Variants in DOCK1 observed in about 807,000 individuals in gnomAD.
DOCK1 encodes the protein dedicator of cytokinesis 1.
In DOCK1, 138 loss-of-function variants were observed where a neutral mutation model predicts 262.7. The ratio of observed to expected loss-of-function variants is 0.53; its 90% CI spans 0.46 to 0.61. DOCK1 has a LOEUF of 0.61. DOCK1 is among the 20% of genes least tolerant of loss of function. DOCK1 has a pLI of 0.00. For missense variants in DOCK1, 1,908 were observed against 2,370.7 expected (o/e 0.80, Z 4.05); for synonymous variants, 866 against 867.4 (o/e 1.00, Z 0.03).
At position 127,355,012 on chromosome 10, in the gene DOCK1, C is replaced by G. The variant is rs572712246; in HGVS notation, c.3283+285C>G. ...AGCTCCTCCCTCCCTGGTGTTGCCT[C>G]CCTCCCTCAGTTGCCTCAGTTCCTT... On this transcript the variant is annotated intron_variant, in intron 32 of 51. Coordinates refer to ENST00000623213, the MANE Select transcript of DOCK1 (RefSeq NM_001290223.2). Among the ~76,000 whole-genome samples, 247 of 152,306 alleles carry G rather than the reference C, an allele frequency of 1.6e-3. 1 individual carries two copies. Among genetic ancestry groups the G allele is most frequent in the African/African-American group, 5.6e-3 (231 of 41,560 alleles).
chr10:127,361,820 T>C (rs894345200), intron 32 of DOCK1, among the ~76,000 whole-genome samples: 1 of 152,212 alleles, frequency 6.6e-6, no homozygotes, highest in South Asian at 2.1e-4. Context: ...AAGTCATGAT[T>C]ACAGGCTTAT....
At chr10:127,084,163 A>G (rs1351336429) in intron 23 of DOCK1, among the ~76,000 whole-genome samples, 1 of 152,092 alleles carries the variant, frequency 6.6e-6, no homozygotes, top group Non-Finnish European at 1.5e-5. Flanking sequence ...TAATTAGTTA[A>G]TTCTTGGTTG....
rs761666557 is a variant in DOCK1 at position 127,037,836 on chromosome 10, G to A, written c.2010+20G>A. 2.0e-6 allele frequency: 3 copies of A among 1,496,074 alleles called. No individual in the cohort carries two copies. In the Admixed American group the frequency reaches 7.9e-5, roughly 39 times the overall value. 92.7% of individuals were successfully genotyped at this position (1,496,074 alleles called of 1,614,324 possible). ...GTGAAGGTAACATGGAGCCCAAAGG[G>A]ACTTTTTGGGTCTTTTTTTTTTTTT... On this transcript the variant is annotated intron_variant, in intron 19 of 51. Coordinates refer to ENST00000623213, the MANE Select transcript of DOCK1 (RefSeq NM_001290223.2).
intron 29 of DOCK1, among the ~76,000 whole-genome samples, chr10:127,309,338 G>A (rs982155521): frequency 2.0e-5 from 3 of 152,082 alleles, no homozygotes; most frequent in African/African-American, 7.2e-5. Context: ...CTGGATATCA[G>A]ACCTTTGTCA....
intron 11 of DOCK1, among the ~76,000 whole-genome samples, chr10:127,011,046 G>T (rs2041397652): frequency 6.6e-6 from 1 of 152,218 alleles, no homozygotes; most frequent in East Asian, 1.9e-4. Flanking sequence ...AGTTGTTTGA[G>T]ATTGCCTGTG....
chr10:127,419,540 TG>T (rs1311177569), intron 45 of DOCK1, 125 bp from the exon 46 acceptor site: 5 of 850,918 alleles, frequency 5.9e-6, no homozygotes, highest in Non-Finnish European at 5.6e-6. Context: ...ACCCTGAGTC[TG>T]CAGTGAGCTT....
chr10:127,229,868 C>T (rs1344039489), intron 27 of DOCK1, among the ~76,000 whole-genome samples: 3 of 152,124 alleles, frequency 2.0e-5, no homozygotes, highest in Admixed American at 6.5e-5. Context: ...CAGGGGCTCC[C>T]GTTTCTCCAC....
At position 126,983,039 on chromosome 10, in the gene DOCK1, A is replaced by G. The variant is rs1341773209; in HGVS notation, c.227+1066A>G. Reference sequence around the variant, plus strand: ...GAACAACAGGTTATTCTGAGTCTCAATAAGTAGAGTCACACCTAACCAGAC... The same window carrying G: ...GAACAACAGGTTATTCTGAGTCTCAGTAAGTAGAGTCACACCTAACCAGAC... On this transcript the variant is annotated intron_variant, in intron 4 of 51. Coordinates refer to ENST00000623213, the MANE Select transcript of DOCK1 (RefSeq NM_001290223.2). Among the ~76,000 whole-genome samples, 3 of 152,236 alleles carry G rather than the reference A, an allele frequency of 2.0e-5. No homozygotes were observed. In the East Asian group the frequency reaches 5.8e-4, roughly 29 times the overall value.
chr10:127,185,262 C>G (rs1212282654), intron 27 of DOCK1, among the ~76,000 whole-genome samples: 1 of 152,190 alleles, frequency 6.6e-6, no homozygotes, highest in African/African-American at 2.4e-5. Context: ...GGCACGGTGG[C>G]TCATGCCTGT....
intron 25 of DOCK1, among the ~76,000 whole-genome samples, chr10:127,116,472 A>G (rs1207819437): frequency 6.6e-6 from 1 of 152,136 alleles, no homozygotes; most frequent in Non-Finnish European, 1.5e-5. Flanking sequence ...GCTATTAGGA[A>G]ATATTGAAGT....
intron 4 of DOCK1, among the ~76,000 whole-genome samples, chr10:126,987,182 A>T (rs545857758): frequency 2.0e-5 from 3 of 152,308 alleles, no homozygotes; most frequent in Admixed American, 6.5e-5. Flanking sequence ...TTTAAGATAG[A>T]TGGGTACACA....
chr10:127,105,839 A>G (rs1487499148), intron 23 of DOCK1, among the ~76,000 whole-genome samples: 1 of 152,134 alleles, frequency 6.6e-6, no homozygotes, highest in Non-Finnish European at 1.5e-5. Flanking sequence ...GGCTCACTGC[A>G]ACCTCTACTT....
intron 1 of DOCK1, among the ~76,000 whole-genome samples, chr10:126,948,895 G>A (rs1440787943): frequency 6.6e-6 from 1 of 152,120 alleles, no homozygotes; most frequent in African/African-American, 2.4e-5. Context: ...GTAGTACTGG[G>A]GTTGCGTGAG....
chr10:127,263,699 C>A (rs1279303672), intron 29 of DOCK1, among the ~76,000 whole-genome samples: 1 of 149,946 alleles, frequency 6.7e-6, no homozygotes, highest in Non-Finnish European at 1.5e-5. Flanking sequence ...GGTATCCATC[C>A]TGGAACTCTT....
intron 43 of DOCK1, among the ~76,000 whole-genome samples, chr10:127,411,350 C>T (rs2067834978): frequency 6.6e-6 from 1 of 152,068 alleles, no homozygotes; most frequent in Non-Finnish European, 1.5e-5. Context: ...GTGCTCATTC[C>T]TCATTCAGTA....
intron 10 of DOCK1, chr10:127,000,812 CT>C: frequency 1.3e-5 from 2 of 158,408 alleles, no homozygotes; most frequent in Non-Finnish European, 2.8e-5. Context: ...CATGTTGGTG[CT>C]TTTCCTCTGC....
chr10:126,906,339 GCCCGTCCGCGTGGGA>G (rs2030816674), intron 1 of DOCK1, among the ~76,000 whole-genome samples: 1 of 152,164 alleles, frequency 6.6e-6, no homozygotes, highest in Non-Finnish European at 1.5e-5. Context: ...GAATAGACGG[GCCCGTCCGCGTGGGA>G]CCCGCATCCT....
rs573711805 is a variant in DOCK1 at position 127,144,970 on chromosome 10, C to T, written c.2847+17206C>T. Among the ~76,000 whole-genome samples the T allele has an allele frequency of 8.5e-4, 129 of 152,116 alleles. 1 individual carries two copies. The highest frequency in any genetic ancestry group is 1.0e-3 in the Non-Finnish European group (69 of 68,008). On this transcript the variant is annotated intron_variant, in intron 27 of 51. Coordinates refer to ENST00000623213, the MANE Select transcript of DOCK1 (RefSeq NM_001290223.2). ...ATAGTTTTTTTAAAAAAGCATTAGC[C>T]AGATATCCTAGCTGTATATTTTACT... is the stretch of plus-strand genomic sequence containing the variant.
intron 37 of DOCK1, among the ~76,000 whole-genome samples, chr10:127,383,851 A>G (rs777684531): frequency 1.3e-5 from 2 of 152,198 alleles, no homozygotes; most frequent in Non-Finnish European, 2.9e-5. Context: ...CAGTGGGAGC[A>G]CATGCCTCCT....
Sources: gnomAD v4.1 joint callset for allele counts (sites outside exome capture counted in the v4.1 genomes callset) on GRCh38, gnomAD v4.1.1 for gene constraint, MANE v1.5 for transcripts, NCBI Gene and HGNC (gene_info 2026-07-23, HGNC 2026-07-21) for gene names.